The following RAD51B variants were observed in gnomAD, a reference collection of about 807,000 sequenced individuals.
RAD51B encodes DNA repair protein RAD51 homolog 2.
RAD51B carries 38 observed loss-of-function variants against 42.2 expected under a neutral mutation model. The observed-to-expected ratio is 0.90, with a 90% CI of 0.70 to 1.18. The LOEUF (loss-of-function observed/expected upper bound fraction) is 1.18, where lower values mean the gene tolerates loss of function less well. Ranked by LOEUF, RAD51B falls within the 50% of genes most tolerant of loss-of-function variation. The pLI is 0.00. For synonymous variants in RAD51B, 154 were observed against 145.2 expected (o/e 1.06, Z -0.43); for missense variants, 373 against 400.7 (o/e 0.93, Z 0.59).
intron 7 of RAD51B, among the ~76,000 whole-genome samples, chr14:68,057,943 A>G (rs571170688): frequency 2.6e-5 from 4 of 151,750 alleles, no homozygotes; most frequent in African/African-American, 9.7e-5. Context: ...TATCAAATTA[A>G]GTTGCTTTAT....
chr14:68,005,799 A>G (rs954268045), intron 7 of RAD51B, among the ~76,000 whole-genome samples: 6 of 152,214 alleles, frequency 3.9e-5, no homozygotes, highest in African/African-American at 1.4e-4. Flanking sequence ...TATAAAGAAA[A>G]GAAGTTTAAC....
chr14:68,504,668 T>C (rs896794644), intron 10 of RAD51B, among the ~76,000 whole-genome samples: 2 of 94,516 alleles, frequency 2.1e-5, no homozygotes, highest in African/African-American at 8.2e-5. Context: ...CTTTCTTTTT[T>C]TTTTTTTTTT....
At position 68,243,804 on chromosome 14, in the gene RAD51B, A is replaced by T. The variant is rs2080440346; in HGVS notation, c.757-48080A>T. ...TTCTGGCAGTGTTGCCCTACTGGAA[A>T]CAACTGACCTTTCATTTCTGCTGGT... is the stretch of plus-strand genomic sequence containing the variant. On this transcript the variant is annotated intron_variant, in intron 7 of 10. Transcript: ENST00000471583. Among the ~76,000 whole-genome samples the T allele has an allele frequency of 4.6e-5, 7 of 152,196 alleles. No homozygotes were observed. The South Asian group carries it at 1.4e-3, about 31-fold the overall frequency.
At chr14:67,888,362 G>A (rs755079875) in intron 7 of RAD51B, among the ~76,000 whole-genome samples, 7 of 152,280 alleles carry the variant, frequency 4.6e-5, no homozygotes, top group South Asian at 4.1e-4. Flanking sequence ...TGAATAGAAA[G>A]TTATGTATAT....
intron 7 of RAD51B, among the ~76,000 whole-genome samples, chr14:67,909,183 T>G (rs761162984): frequency 1.4e-4 from 22 of 152,170 alleles, no homozygotes; most frequent in Non-Finnish European, 2.9e-4. Context: ...GCCATAAAGT[T>G]TGAAAACTGC....
chr14:68,673,933 A>G (rs916708368), intron 11 of RAD51B, among the ~76,000 whole-genome samples: 1 of 152,014 alleles, frequency 6.6e-6, no homozygotes, highest in Non-Finnish European at 1.5e-5. Context: ...ATATGTGCAC[A>G]CACACACATA....
chr14:68,604,823 C>T (rs369629325), intron 10 of RAD51B, among the ~76,000 whole-genome samples: 1 of 104,570 alleles, frequency 9.6e-6, no homozygotes, highest in African/African-American at 3.1e-5. Flanking sequence ...ACTCAGGGCT[C>T]CCTGAGTGAG....
chr14:68,457,148 A>G (rs2085716733), intron 9 of RAD51B, among the ~76,000 whole-genome samples: 1 of 151,738 alleles, frequency 6.6e-6, no homozygotes, highest in African/African-American at 2.4e-5. Flanking sequence ...CCTGGCCTCA[A>G]GTGATCTGCT....
At chr14:68,293,252 T>C (rs2081549218) in intron 8 of RAD51B, among the ~76,000 whole-genome samples, 1 of 152,150 alleles carries the variant, frequency 6.6e-6, no homozygotes, top group Non-Finnish European at 1.5e-5. Flanking sequence ...TTGTTTGTTT[T>C]GTTTTTGTTT....
intron 10 of RAD51B, chr14:68,650,631 T>C (rs768772599): frequency 1.0e-5 from 6 of 594,048 alleles, no homozygotes; most frequent in East Asian, 2.8e-5. Context: ...CAGAGGCCCA[T>C]ACTGTTGTGT....
At chr14:67,971,615 G>A (rs747743416) in intron 7 of RAD51B, among the ~76,000 whole-genome samples, 22 of 152,102 alleles carry the variant, frequency 1.4e-4, no homozygotes, top group Non-Finnish European at 2.9e-4. Context: ...ATAAAAGATA[G>A]AATTTGAGCT....
At chr14:68,504,342 A>T (rs1159063265) in intron 10 of RAD51B, among the ~76,000 whole-genome samples, 1 of 152,204 alleles carries the variant, frequency 6.6e-6, no homozygotes, top group Non-Finnish European at 1.5e-5. Flanking sequence ...TGGCCTGCAC[A>T]CCATATAAAT....
chr14:68,062,339 A>G (rs956255199), intron 7 of RAD51B, among the ~76,000 whole-genome samples: 2 of 152,172 alleles, frequency 1.3e-5, no homozygotes, highest in South Asian at 2.1e-4. Context: ...TATCAGGACT[A>G]TTGGCCTGTA....
chr14:67,996,532 A>G (rs2075387784), intron 7 of RAD51B, among the ~76,000 whole-genome samples: 2 of 152,206 alleles, frequency 1.3e-5, no homozygotes, highest in South Asian at 4.1e-4. Context: ...AAGGCTTGCC[A>G]GATAGAGAGA....
At chr14:68,065,396 C>T (rs1172193179) in intron 7 of RAD51B, among the ~76,000 whole-genome samples, 2 of 152,156 alleles carry the variant, frequency 1.3e-5, no homozygotes, top group Non-Finnish European at 2.9e-5. Context: ...TGCTACTCCC[C>T]TGGGGCCATG....
chr14:67,984,548 T>C (rs575167626), intron 7 of RAD51B, among the ~76,000 whole-genome samples: 36 of 152,200 alleles, frequency 2.4e-4, no homozygotes, highest in Non-Finnish European at 4.3e-4. Context: ...ATTGCTAAAG[T>C]TTCTATGATT....
At chr14:68,230,944 T>TA (rs1438509932) in intron 7 of RAD51B, among the ~76,000 whole-genome samples, 2 of 152,320 alleles carry the variant, frequency 1.3e-5, no homozygotes, top group East Asian at 3.9e-4. Flanking sequence ...TCATTGGAGT[T>TA]AAACTGTCAG....
chr14:68,086,154 G>T (rs1052779682), intron 7 of RAD51B, among the ~76,000 whole-genome samples: 2 of 152,196 alleles, frequency 1.3e-5, no homozygotes, highest in African/African-American at 4.8e-5. Flanking sequence ...CTCAGCAGAT[G>T]GGGGAAGCCA....
intron 9 of RAD51B, among the ~76,000 whole-genome samples, chr14:68,425,952 C>CTTTCTTTCTT (rs1555408018): frequency 1.3e-3 from 118 of 94,322 alleles, no homozygotes; most frequent in Non-Finnish European, 1.7e-3. Flanking sequence ...TTCTTTCTTT[C>CTTTCTTTCTT]TTTCTTTCTT....
Sources: gnomAD v4.1 joint callset for allele counts (sites outside exome capture counted in the v4.1 genomes callset) on GRCh38, gnomAD v4.1.1 for gene constraint, MANE v1.5 for transcripts, NCBI Gene and HGNC (gene_info 2026-07-23, HGNC 2026-07-21) for gene names.